Variants in MARCHF1 observed in about 807,000 individuals in gnomAD.
The protein encoded by MARCHF1 is membrane associated ring-CH-type finger 1.
In MARCHF1, 40 loss-of-function variants were observed where a neutral mutation model predicts 54.2. The ratio of observed to expected loss-of-function variants is 0.74; its 90% CI spans 0.57 to 0.96. The LOEUF is 0.96. Among genes scored for constraint, MARCHF1 ranks in the 40% least tolerant of loss-of-function variants. The pLI, the probability that MARCHF1 is intolerant of heterozygous loss-of-function variation, is 0.00. For synonymous variants in MARCHF1, 236 were observed against 236.3 expected (o/e 1.00, Z 0.01); for missense variants, 586 against 656.5 (o/e 0.89, Z 1.17).
At chr4:163,608,904 G>T (rs952220769) in intron 7 of MARCHF1, among the ~76,000 whole-genome samples, 1 of 152,024 alleles carries the variant, frequency 6.6e-6, no homozygotes, top group Non-Finnish European at 1.5e-5. Flanking sequence ...TTCTCAGGCT[G>T]TATCCATTTC....
intron 1 of MARCHF1, among the ~76,000 whole-genome samples, chr4:164,148,823 C>G (rs1729848634): frequency 2.6e-5 from 4 of 151,940 alleles, no homozygotes; most frequent in African/African-American, 7.3e-5. Flanking sequence ...CCACCCATAA[C>G]AATTAATATG....
At chr4:164,197,767 C>G in intron 1 of MARCHF1, 1 of 1,609,272 alleles carries the variant, frequency 6.2e-7, no homozygotes, top group Non-Finnish European at 8.5e-7. Flanking sequence ...AATCAATAAA[C>G]CTCGAACCCA....
chr4:163,972,918 A>C lies in MARCHF1; in HGVS notation c.-39+15583T>G, dbSNP rs569127349. Among the ~76,000 whole-genome samples, 14 of 152,278 alleles carry C rather than the reference A, an allele frequency of 9.2e-5. No homozygotes were observed. In the South Asian group the frequency reaches 2.7e-3, roughly 29 times the overall value. ...AATCTAAGGGGCTCAATTTAGAAGAATAAGAATTAGTTACTAACAGTGTAA... is the reference window on the plus strand; with the variant it reads ...AATCTAAGGGGCTCAATTTAGAAGACTAAGAATTAGTTACTAACAGTGTAA... On this transcript the variant is annotated intron_variant, in intron 3 of 9. Transcript: ENST00000514618.
intron 3 of MARCHF1, among the ~76,000 whole-genome samples, chr4:163,917,307 C>T (rs1213537966): frequency 6.6e-6 from 1 of 152,116 alleles, no homozygotes; most frequent in African/African-American, 2.4e-5. Flanking sequence ...ATTTGGTTTT[C>T]TAAGAACCTG....
At chr4:164,106,725 C>A (rs1242574684) in intron 2 of MARCHF1, among the ~76,000 whole-genome samples, 1 of 144,384 alleles carries the variant, frequency 6.9e-6, no homozygotes, top group African/African-American at 2.6e-5. Flanking sequence ...ATGTAACTAA[C>A]CTGCACAATG....
In MARCHF1 at chr4:164,128,320, T is replaced by C. The variant is rs182103380; in HGVS notation, c.-322-16658A>G. The stretch of plus-strand genomic sequence containing the variant: ...CTGTATATTTAAAATACAGATTTTA[T>C]AACATATTTTTAAAATGACAAAAAT... On this transcript the variant is annotated intron_variant, in intron 1 of 9. Coordinates refer to ENST00000514618, the MANE Select transcript of MARCHF1 (RefSeq NM_001394959.1). Among the ~76,000 whole-genome samples, 521 of 152,128 alleles carry C rather than the reference T, an allele frequency of 3.4e-3. 4 individuals carry two copies. The highest frequency in any genetic ancestry group is 0.012 in the African/African-American group (487 of 41,512).
At chr4:164,008,073 T>C (rs1310239314) in intron 2 of MARCHF1, among the ~76,000 whole-genome samples, 1 of 152,160 alleles carries the variant, frequency 6.6e-6, no homozygotes, top group African/African-American at 2.4e-5. Flanking sequence ...CCCAACTGTA[T>C]GTTTCATTCA....
At chr4:163,898,003 G>C (rs1257310922) in intron 3 of MARCHF1, among the ~76,000 whole-genome samples, 1 of 139,446 alleles carries the variant, frequency 7.2e-6, no homozygotes, top group Non-Finnish European at 1.5e-5. Flanking sequence ...GGAGCTTGCA[G>C]TGAGCCAAGA....
chr4:163,772,762 C>CAATTGT (rs1747196861), intron 4 of MARCHF1, among the ~76,000 whole-genome samples: 1 of 152,096 alleles, frequency 6.6e-6, no homozygotes, highest in Admixed American at 6.5e-5. Context: ...TCAAATAACC[C>CAATTGT]CCCTTTCTCA....
chr4:164,339,043 G>A (rs1205824139), intron 1 of MARCHF1, among the ~76,000 whole-genome samples: 1 of 152,000 alleles, frequency 6.6e-6, no homozygotes, highest in Admixed American at 6.6e-5. Flanking sequence ...ATATATATAT[G>A]CACCCAATAT....
intron 3 of MARCHF1, among the ~76,000 whole-genome samples, chr4:163,953,230 C>T (rs1474559031): frequency 3.3e-5 from 5 of 152,120 alleles, no homozygotes; most frequent in African/African-American, 4.8e-5. Context: ...ACATAGCATG[C>T]ATCCTATTGG....
chr4:163,934,059 C>T (rs980711147), intron 3 of MARCHF1, among the ~76,000 whole-genome samples: 2 of 152,132 alleles, frequency 1.3e-5, no homozygotes, highest in African/African-American at 4.8e-5. Flanking sequence ...AATAAAAGTA[C>T]ACAAGTCCAA....
At chr4:163,876,269 T>G (rs901836679) in intron 3 of MARCHF1, among the ~76,000 whole-genome samples, 3 of 152,154 alleles carry the variant, frequency 2.0e-5, no homozygotes, top group East Asian at 1.9e-4. Context: ...CAACTTTTCT[T>G]CAGAATTTGT....
chr4:163,811,093 A>G, intron 4 of MARCHF1, among the ~76,000 whole-genome samples: 1 of 152,140 alleles, frequency 6.6e-6, no homozygotes, highest in East Asian at 1.9e-4. Context: ...GACACTACAG[A>G]TAAGACCTTG....
In MARCHF1 at chr4:164,373,352, C is replaced by CTTTT. The variant is rs5863683; in HGVS notation, c.-323+10514_-323+10517dup. On this transcript the variant is annotated intron_variant, in intron 1 of 9. Transcript: ENST00000514618. ...CATTAAAAATTAATGTGAAAAACTACTTTTTTTTTTTTTTTTTTTTTTTGA... is the reference window on the plus strand; with the variant it reads ...CATTAAAAATTAATGTGAAAAACTACTTTTTTTTTTTTTTTTTTTTTTTTTTTGA... 3.7e-3 allele frequency among the ~76,000 whole-genome samples: 336 copies of CTTTT among 91,592 alleles called. 2 individuals are homozygous for CTTTT. The highest frequency in any genetic ancestry group is 8.0e-3 in the East Asian group (23 of 2,878). 60.1% of individuals were successfully genotyped at this position (91,592 alleles called of 152,430 possible).
At chr4:163,724,010 T>A (rs1745568850) in intron 4 of MARCHF1, among the ~76,000 whole-genome samples, 2 of 152,226 alleles carry the variant, frequency 1.3e-5, no homozygotes, top group South Asian at 4.1e-4. Flanking sequence ...GTCTGAAGCC[T>A]TCTTCTCTCA....
intron 3 of MARCHF1, among the ~76,000 whole-genome samples, chr4:163,983,576 T>C (rs1752803521): frequency 1.3e-5 from 2 of 152,228 alleles, no homozygotes; most frequent in East Asian, 1.9e-4. Context: ...CATTTACTCT[T>C]TGGGGATAAT....
At chr4:164,207,681 T>G (rs1254596713) in intron 1 of MARCHF1, among the ~76,000 whole-genome samples, 10 of 152,182 alleles carry the variant, frequency 6.6e-5, no homozygotes, top group African/African-American at 2.4e-4. Flanking sequence ...CCAAGGCAGT[T>G]GTAGGGGGAA....
intron 5 of MARCHF1, among the ~76,000 whole-genome samples, chr4:163,613,890 T>C (rs751777691): frequency 3.3e-5 from 5 of 152,164 alleles, no homozygotes; most frequent in Admixed American, 6.5e-5. Flanking sequence ...CTGAATTTAT[T>C]GCTATTAAAA....
Sources: gnomAD v4.1 joint callset for allele counts (sites outside exome capture counted in the v4.1 genomes callset) on GRCh38, gnomAD v4.1.1 for gene constraint, MANE v1.5 for transcripts, NCBI Gene and HGNC (gene_info 2026-07-23, HGNC 2026-07-21) for gene names.